Variants in PRKCQ observed in about 807,000 individuals in gnomAD.
PRKCQ encodes protein kinase C theta type.
In PRKCQ, 41 loss-of-function variants were observed where a neutral mutation model predicts 91.2. That is an observed-to-expected ratio of 0.45 (90% CI 0.35 to 0.58). The LOEUF is 0.58. Among genes scored for constraint, PRKCQ ranks in the 20% least tolerant of loss-of-function variants. PRKCQ has a pLI of 0.00. For synonymous variants in PRKCQ, 307 were observed against 316.9 expected (o/e 0.97, Z 0.33); for missense variants, 673 against 896.5 (o/e 0.75, Z 3.18).
At chr10:6,446,104 G>GT (rs1235329239) in intron 15 of PRKCQ, among the ~76,000 whole-genome samples, 5 of 152,162 alleles carry the variant, frequency 3.3e-5, no homozygotes, top group African/African-American at 1.2e-4. Flanking sequence ...ACTGATATGT[G>GT]TTAGGAGTTT....
chr10:6,401,041 C>G, the PRKCQ span, among the ~76,000 whole-genome samples: 1 of 152,120 alleles, frequency 6.6e-6, no homozygotes, highest in African/African-American at 2.4e-5. Flanking sequence ...CATAGCATGC[C>G]GTTGCAACTT....
At chr10:6,442,149 C>A in intron 15 of PRKCQ, 68 bp from the exon 16 acceptor site, 3 of 1,450,974 alleles carry the variant, frequency 2.1e-6, no homozygotes, top group Non-Finnish European at 2.8e-6. Flanking sequence ...TCTTCCTGAG[C>A]GTCTCAAGGC....
In PRKCQ at chr10:6,507,613, A is replaced by T; in HGVS notation, c.319-117T>A. On this transcript the variant is annotated intron_variant, in intron 3 of 17. Coordinates refer to ENST00000263125, the MANE Select transcript of PRKCQ (RefSeq NM_006257.5). ...TCCACCACAGAATACAATCATTGTTACTCTCCACTGTACTCAAACTCATTG... is the reference window on the plus strand; with the variant it reads ...TCCACCACAGAATACAATCATTGTTTCTCTCCACTGTACTCAAACTCATTG... 6 of 886,672 alleles carry T rather than the reference A, an allele frequency of 6.8e-6. No homozygotes were observed. In the South Asian group the frequency reaches 8.0e-5, roughly 12 times the overall value. The allele number at this position is 886,672 out of a possible 1,614,324, so 54.9% of individuals were successfully genotyped here.
chr10:6,478,893 T>C lies in PRKCQ; in HGVS notation c.1353+99A>G, dbSNP rs147347901. On this transcript the variant is annotated intron_variant, in intron 12 of 17. Transcript: ENST00000263125. Reference sequence around the variant, plus strand: ...GGTACACCGAAATGTAAGATAAATATGGAGGCAATGACTCGTGTCTCCTAA... The same window carrying C: ...GGTACACCGAAATGTAAGATAAATACGGAGGCAATGACTCGTGTCTCCTAA... 519 of 1,331,172 alleles carry C rather than the reference T, an allele frequency of 3.9e-4. 5 individuals carry two copies. The African/African-American group carries it at 7.1e-3, about 18-fold the overall frequency. 82.5% of individuals were successfully genotyped at this position (1,331,172 alleles called of 1,614,324 possible). A position where few individuals can be genotyped will look rare whatever the true frequency, so the allele number is the denominator to read the frequency against.
At chr10:6,546,224 G>A (rs1199035291) in intron 1 of PRKCQ, among the ~76,000 whole-genome samples, 1 of 152,112 alleles carries the variant, frequency 6.6e-6, no homozygotes, top group Non-Finnish European at 1.5e-5. Context: ...CCTGCCTCCT[G>A]TTTTTGTGTA....
intron 1 of PRKCQ, among the ~76,000 whole-genome samples, chr10:6,522,392 T>G (rs909741396): frequency 2.0e-5 from 3 of 152,200 alleles, no homozygotes; most frequent in African/African-American, 7.2e-5. Context: ...CACGCTATTA[T>G]GTACTGAACT....
At chr10:6,518,687 G>C (rs758261537) in intron 1 of PRKCQ, among the ~76,000 whole-genome samples, 2 of 152,098 alleles carry the variant, frequency 1.3e-5, no homozygotes, top group Admixed American at 1.3e-4. Context: ...CAGGCATGGT[G>C]GGGGGCACCT....
intron 1 of PRKCQ, among the ~76,000 whole-genome samples, chr10:6,574,897 C>T (rs570369270): frequency 4.6e-5 from 7 of 152,284 alleles, no homozygotes; most frequent in African/African-American, 1.2e-4. Context: ...TCAGTTGAGC[C>T]GTCACTGACA....
chr10:6,563,771 C>T (rs1840722263), intron 1 of PRKCQ, among the ~76,000 whole-genome samples: 1 of 152,218 alleles, frequency 6.6e-6, no homozygotes, highest in Admixed American at 6.5e-5. Flanking sequence ...ATGTGTGGGA[C>T]TCTCTGCTCA....
At chr10:6,451,641 C>A (rs1402187384) in intron 15 of PRKCQ, among the ~76,000 whole-genome samples, 4 of 152,120 alleles carry the variant, frequency 2.6e-5, no homozygotes, top group South Asian at 2.1e-4. Flanking sequence ...GAATTTTAGA[C>A]CAATATCCTT....
chr10:6,565,449 T>A (rs1840807035), intron 1 of PRKCQ, among the ~76,000 whole-genome samples: 2 of 152,260 alleles, frequency 1.3e-5, no homozygotes, highest in Non-Finnish European at 2.9e-5. Flanking sequence ...GTTAACATTT[T>A]CCTCTGCGAG....
At chr10:6,453,395 G>C (rs1160662917) in intron 15 of PRKCQ, among the ~76,000 whole-genome samples, 1 of 152,178 alleles carries the variant, frequency 6.6e-6, no homozygotes, top group Non-Finnish European at 1.5e-5. Flanking sequence ...AGTTAGAATG[G>C]CAATCATTAA....
At chr10:6,461,728 T>C (rs1419686941) in intron 14 of PRKCQ, among the ~76,000 whole-genome samples, 1 of 152,252 alleles carries the variant, frequency 6.6e-6, no homozygotes, top group African/African-American at 2.4e-5. Flanking sequence ...TTCTTTTTTT[T>C]CCTTTCTATT....
intron 16 of PRKCQ, among the ~76,000 whole-genome samples, chr10:6,434,937 T>A (rs751928069): frequency 6.6e-6 from 1 of 152,136 alleles, no homozygotes; most frequent in African/African-American, 2.4e-5. Flanking sequence ...TTTTTTGAGA[T>A]GGAGTCTTGC....
At chr10:6,574,106 A>T (rs1243798739) in intron 1 of PRKCQ, among the ~76,000 whole-genome samples, 1 of 151,918 alleles carries the variant, frequency 6.6e-6, no homozygotes, top group South Asian at 2.1e-4. Context: ...ACAGAGCAAG[A>T]CCCCGTAAAA....
chr10:6,528,551 A>G (rs1055516949), intron 1 of PRKCQ, among the ~76,000 whole-genome samples: 3 of 152,148 alleles, frequency 2.0e-5, no homozygotes, highest in African/African-American at 7.2e-5. Flanking sequence ...ACTGGTGGAC[A>G]TGCTTCTCCA....
At chr10:6,454,028 A>C (rs1023719473) in intron 15 of PRKCQ, among the ~76,000 whole-genome samples, 1 of 152,150 alleles carries the variant, frequency 6.6e-6, no homozygotes, top group East Asian at 1.9e-4. Flanking sequence ...ATATGTAACT[A>C]ACCTGCACAT....
At chr10:6,426,045 C>G (rs1833112616), downstream of PRKCQ, among the ~76,000 whole-genome samples, 1 of 152,096 alleles carries the variant, frequency 6.6e-6, no homozygotes, top group Non-Finnish European at 1.5e-5. Flanking sequence ...TGCCCCCAGG[C>G]CTGCAGCGAG....
At chr10:6,455,048 G>A (rs1446127868) in intron 15 of PRKCQ, among the ~76,000 whole-genome samples, 7 of 152,268 alleles carry the variant, frequency 4.6e-5, no homozygotes, top group Admixed American at 1.3e-4. Flanking sequence ...AAGGTGAAGA[G>A]GAAAGAAATT....
Sources: gnomAD v4.1 joint callset for allele counts (sites outside exome capture counted in the v4.1 genomes callset) on GRCh38, gnomAD v4.1.1 for gene constraint, MANE v1.5 for transcripts, NCBI Gene and HGNC (gene_info 2026-07-23, HGNC 2026-07-21) for gene names.